The following SLC7A10 variants were observed in gnomAD, a reference collection of about 807,000 sequenced individuals.
SLC7A10 encodes the protein solute carrier family 7 member 10, also known as asc-type amino acid transporter 1.
Under a neutral mutation model 52.7 loss-of-function variants are expected in SLC7A10, and 30 were observed. The ratio of observed to expected loss-of-function variants is 0.57; its 90% CI spans 0.43 to 0.77. SLC7A10 has a LOEUF of 0.77. SLC7A10 is among the 30% of genes least tolerant of loss of function. The probability of loss-of-function intolerance (pLI) is 0.00; values close to 1 mark genes in which losing one functional copy is unlikely to be tolerated. For synonymous variants in SLC7A10, 318 were observed against 314.9 expected, an observed-to-expected ratio of 1.01 and a Z score of -0.10; for missense variants, 581 against 698.5, an observed-to-expected ratio of 0.83 and a Z score of 1.90.
At chr19:33,215,163 G>C (rs1391193238) in intron 2 of SLC7A10, among the ~76,000 whole-genome samples, 1 of 151,770 alleles carries the variant, frequency 6.6e-6, no homozygotes, top group Non-Finnish European at 1.5e-5. Flanking sequence ...AGCTACTCGG[G>C]AGTCTGAGGC....
chr19:33,216,026 G>T (rs966526670), intron 1 of SLC7A10, 53 bp from the exon 2 acceptor site: 1 of 1,457,850 alleles, frequency 6.9e-7, no homozygotes, highest in Non-Finnish European at 9.2e-7. Flanking sequence ...TTCGCAGCCC[G>T]GCCTTCTGTG....
chr19:33,218,681 CTTTTTT>C lies in SLC7A10; in HGVS notation c.152-2714_152-2709del, dbSNP rs60465370. Among the ~76,000 whole-genome samples, 46 of 81,788 alleles carry C rather than the reference CTTTTTT, an allele frequency of 5.6e-4. 1 individual carries two copies. The East Asian group carries it at 9.2e-3, about 16-fold the overall frequency. The allele number at this position is 81,788 out of a possible 152,430, so 53.7% of individuals were successfully genotyped here. On this transcript the variant is annotated intron_variant, in intron 1 of 10. Coordinates refer to ENST00000253188, the MANE Select transcript of SLC7A10 (RefSeq NM_019849.3). ...GGTGGATTTCTTTCTTTCTTTCTTT[CTTTTTT>C]TTTTTTTTTTAGTAGAGATGGGGTT...
At chr19:33,213,357 C>T (rs1394765580) in intron 2 of SLC7A10, among the ~76,000 whole-genome samples, 3 of 151,326 alleles carry the variant, frequency 2.0e-5, no homozygotes, top group South Asian at 2.1e-4. Flanking sequence ...GGCATGATCT[C>T]GGCTCACTGC....
intron 2 of SLC7A10, among the ~76,000 whole-genome samples, chr19:33,214,011 G>A (rs1974615911): frequency 6.6e-6 from 1 of 152,146 alleles, no homozygotes; most frequent in Non-Finnish European, 1.5e-5. Context: ...AACCATCCCT[G>A]CTGGGCTTCT....
At position 33,216,282 on chromosome 19, in the gene SLC7A10, G is replaced by A. The variant is rs191531749; in HGVS notation, c.152-309C>T. ...CTCAGCCCTCCATTGCCCCCGTGAG[G>A]CGGGGCCAGCAAAGTGAGGAGGCTG... On this transcript the variant is annotated intron_variant, in intron 1 of 10. Transcript: ENST00000253188. Among the ~76,000 whole-genome samples, 315 of 152,324 alleles carry A rather than the reference G, an allele frequency of 2.1e-3. 1 individual carries two copies. Among genetic ancestry groups the A allele is most frequent in the Non-Finnish European group, 3.7e-3 (253 of 68,030 alleles).
At chr19:33,212,719 C>G in intron 3 of SLC7A10, 80 bp from the exon 4 acceptor site, 2 of 1,611,114 alleles carry the variant, frequency 1.2e-6, no homozygotes, top group Non-Finnish European at 1.7e-6. Flanking sequence ...CCAGGCGGCC[C>G]GAGAATGGCA....
In SLC7A10 at chr19:33,215,804, G is replaced by A. The variant is rs1476984491; in HGVS notation, c.321C>T (p.Tyr107=). The A allele has an allele frequency of 7.6e-6, 12 of 1,572,720 alleles. No homozygotes were observed. The highest frequency in any genetic ancestry group is 1.4e-5 in the African/African-American group (1 of 73,678). ...CCCCGAAGATCTCTGTGACGTAGGCGTAGTCCCCGCCAGACTTGGGGATGG... is the reference window on the plus strand; with the variant it reads ...CCCCGAAGATCTCTGTGACGTAGGCATAGTCCCCGCCAGACTTGGGGATGG... ...GVAIPKSGGD[Y]AYVTEIFGGL... The change falls in exon 2 of 11, where the codon TAC becomes TAT. Residue 107 remains tyrosine, a synonymous_variant. Transcript: ENST00000253188.
Position 33,225,592 on chromosome 19 carries a change from T to C in SLC7A10, c.112A>G (p.Lys38Glu). The C allele has an allele frequency of 6.3e-7, 1 of 1,596,070 alleles. No individual in the cohort carries two copies. Among genetic ancestry groups the C allele is most frequent in the South Asian group, 1.1e-5 (1 of 90,916 alleles). ...CAGGCGCTCAGCAGCCCGATCTCCT[T>C]CTTGAGCGCCACCCGCTCCGAGGCG... ...PGASERVALK[K>E]EIGLLSACTI... Residue 38 changes from lysine (K) to glutamate (E), a missense_variant, in exon 1 of 11, where the codon AAG becomes GAG. By Grantham distance (56) the Lys-to-Glu change is moderately conservative (BLOSUM62 1). Coordinates refer to ENST00000253188, the MANE Select transcript of SLC7A10 (RefSeq NM_019849.3).
chr19:33,215,638 C>CG (rs1974660139), intron 2 of SLC7A10, 131 bp downstream of exon 2: 8 of 851,312 alleles, frequency 9.4e-6, no homozygotes, highest in South Asian at 1.8e-5. Flanking sequence ...CCACCCCCCA[C>CG]ACCTTCTCTC....
intron 1 of SLC7A10, among the ~76,000 whole-genome samples, chr19:33,222,907 C>T (rs1462183231): frequency 1.3e-5 from 2 of 152,182 alleles, no homozygotes; most frequent in Non-Finnish European, 2.9e-5. Context: ...TGAGCTGGAG[C>T]AGAGGGTATA....
chr19:33,213,085 G>GCC, intron 2 of SLC7A10, 83 bp from the exon 3 acceptor site: 2 of 1,535,980 alleles, frequency 1.3e-6, no homozygotes, highest in Non-Finnish European at 1.8e-6. Flanking sequence ...CAGCAGGGCT[G>GCC]CCCTGGGCCT....
chr19:33,213,051 C>A, intron 2 of SLC7A10, 49 bp from the exon 3 acceptor site: 1 of 1,554,792 alleles, frequency 6.4e-7, no homozygotes, highest in South Asian at 1.2e-5. Flanking sequence ...GAGCCCTTCC[C>A]GGCCAACCTG....
Position 33,209,459 on chromosome 19 carries a change from G to A in SLC7A10, c.1290C>T (p.Tyr430=), listed in dbSNP as rs1974490437. Residue 430 remains tyrosine, a synonymous_variant, in exon 10 of 11, where the codon TAC becomes TAT. Coordinates refer to ENST00000253188, the MANE Select transcript of SLC7A10 (RefSeq NM_019849.3). ...CCAGCAGGAAGGCCCAGAAGACCAA[G>A]TACGCCACGGGGATGAGAAGGTTCA... is the stretch of plus-strand genomic sequence containing the variant. The part of the protein sequence containing the change: ...IKVNLLIPVA[Y]LVFWAFLLVF... The A allele has an allele frequency of 1.9e-6, 3 of 1,613,994 alleles. No homozygotes were observed. Among genetic ancestry groups the A allele is most frequent in the Non-Finnish European group, 2.5e-6 (3 of 1,180,014 alleles).
chr19:33,218,627 A>G (rs1195513507), intron 1 of SLC7A10, among the ~76,000 whole-genome samples: 4 of 132,968 alleles, frequency 3.0e-5, no homozygotes, highest in South Asian at 4.9e-4. Context: ...CAATGCTCTA[A>G]TGATTATAGG....
chr19:33,209,621 C>T (rs1568387094), intron 9 of SLC7A10, 136 bp from the exon 10 acceptor site: 2 of 890,690 alleles, frequency 2.2e-6, no homozygotes, highest in South Asian at 3.5e-5. Context: ...CACTACACCC[C>T]CTCTTGGCGA....
rs1302365118 is a variant in SLC7A10, at chr19:33,225,628, T to G, written c.76A>C (p.Thr26Pro). ...ACCCGCTCCGAGGCGCCGGGGACGGTCCCTGGGACTGGGGAGGGCGAGGGC... is the reference window on the plus strand; with the variant it reads ...ACCCGCTCCGAGGCGCCGGGGACGGGCCCTGGGACTGGGGAGGGCGAGGGC... ...PAPSPSPVPG[T>P]VPGASERVAL... Residue 26 changes from threonine (T) to proline (P), a missense_variant, in exon 1 of 11, where the codon ACC becomes CCC. Physicochemically the swap from Thr to Pro is conservative, Grantham distance 38 (BLOSUM62 -1). Coordinates refer to ENST00000253188, the MANE Select transcript of SLC7A10 (RefSeq NM_019849.3). The G allele has an allele frequency of 1.3e-6, 2 of 1,590,586 alleles. No individual in the cohort carries two copies. The highest frequency in any genetic ancestry group is 1.7e-6 in the Non-Finnish European group (2 of 1,177,250).
chr19:33,224,925 G>A (rs1363015408), intron 1 of SLC7A10, among the ~76,000 whole-genome samples: 1 of 152,200 alleles, frequency 6.6e-6, no homozygotes, highest in African/African-American at 2.4e-5. Flanking sequence ...TGCAGGCTGG[G>A]TCTGCCCACT....
chr19:33,221,453 T>C (rs2145492288), intron 1 of SLC7A10, among the ~76,000 whole-genome samples: 1 of 152,290 alleles, frequency 6.6e-6, no homozygotes, highest in East Asian at 1.9e-4. Context: ...AAATTATAGT[T>C]GGGGCTTCCC....
chr19:33,218,434 C>T lies in SLC7A10; in HGVS notation c.152-2461G>A, dbSNP rs968299321. Reference sequence around the variant, plus strand: ...TCCTCAGGGGTTTCTCCCTCTGGGCCTAGACCACTCGCAGCATCTCCCTCA... The same window carrying T: ...TCCTCAGGGGTTTCTCCCTCTGGGCTTAGACCACTCGCAGCATCTCCCTCA... On this transcript the variant is annotated intron_variant, in intron 1 of 10. Transcript: ENST00000253188. Among the ~76,000 whole-genome samples, 6 of 152,030 alleles carry T rather than the reference C, an allele frequency of 3.9e-5. No homozygotes were observed. In the East Asian group the frequency reaches 9.7e-4, roughly 25 times the overall value.
Sources: allele counts gnomAD v4.1 joint callset (sites outside exome capture counted in the v4.1 genomes callset), GRCh38; gene constraint gnomAD v4.1.1; transcripts MANE v1.5; gene names NCBI Gene and HGNC (gene_info 2026-07-23, HGNC 2026-07-21).